The following ATAD1 variants were observed in gnomAD, a reference collection of about 807,000 sequenced individuals.
The protein encoded by ATAD1 is outer mitochondrial transmembrane helix translocase.
A neutral mutation model predicts 42.7 loss-of-function variants in ATAD1; 18 were observed. The ratio of observed to expected loss-of-function variants is 0.42; its 90% CI spans 0.29 to 0.63. The LOEUF is 0.63. Among genes scored for constraint, ATAD1 ranks in the 20% least tolerant of loss-of-function variants. The pLI is 0.19. For synonymous variants in ATAD1, 132 were observed against 143.1 expected, an observed-to-expected ratio of 0.92 and a Z score of 0.55; for missense variants, 294 against 440.4, an observed-to-expected ratio of 0.67 and a Z score of 2.98.
At chr10:87,802,434 T>C (rs964851485) in intron 2 of ATAD1, among the ~76,000 whole-genome samples, 4 of 152,100 alleles carry the variant, frequency 2.6e-5, no homozygotes, top group African/African-American at 9.7e-5. Context: ...ATGGTACAAA[T>C]CCATGGCTGG....
intron 8 of ATAD1, among the ~76,000 whole-genome samples, chr10:87,761,350 A>G (rs991155526): frequency 6.6e-6 from 1 of 152,204 alleles, no homozygotes; most frequent in Non-Finnish European, 1.5e-5. Flanking sequence ...GGTTTTATGA[A>G]TAACAGAATT....
intron 2 of ATAD1, among the ~76,000 whole-genome samples, chr10:87,793,321 T>G (rs905312895): frequency 7.2e-5 from 11 of 152,188 alleles, no homozygotes; most frequent in Admixed American, 7.2e-4. Context: ...ACCAGAGTTA[T>G]AATAAAAATA....
chr10:87,776,350 C>T lies in ATAD1; in HGVS notation c.661G>A (p.Asp221Asn). The T allele has an allele frequency of 6.2e-7, 1 of 1,613,804 alleles. No homozygotes were observed. Among genetic ancestry groups the T allele is most frequent in the African/African-American group, 1.3e-5 (1 of 75,022 alleles). Residue 221 changes from aspartate (D) to asparagine (N), a missense_variant, in exon 6 of 10, where the codon GAT becomes AAT. Transcript: ENST00000680024. ...MMKAQFMSLWDGLDTDHSCQV... is the reference protein window; with the variant it reads ...MMKAQFMSLWNGLDTDHSCQV... ...CAGCTGTGATCAGTATCCAATCCATCCCAGAGACTCATAAACTGAGCTTTC... is the reference window on the plus strand; with the variant it reads ...CAGCTGTGATCAGTATCCAATCCATTCCAGAGACTCATAAACTGAGCTTTC...
At chr10:87,797,514 C>T (rs1331544284) in intron 2 of ATAD1, among the ~76,000 whole-genome samples, 1 of 152,158 alleles carries the variant, frequency 6.6e-6, no homozygotes, top group South Asian at 2.1e-4. Flanking sequence ...AGAACAAAGA[C>T]ACCACTCACC....
chr10:87,835,825 A>C (rs906289509), intron 1 of ATAD1, among the ~76,000 whole-genome samples: 2 of 152,128 alleles, frequency 1.3e-5, no homozygotes, highest in Non-Finnish European at 2.9e-5. Context: ...TTGTTAAAAA[A>C]GTTTTTAATG....
chr10:87,764,904 T>C (rs1021223213), intron 8 of ATAD1, among the ~76,000 whole-genome samples: 1 of 151,892 alleles, frequency 6.6e-6, no homozygotes, highest in African/African-American at 2.4e-5. Flanking sequence ...TATCAAAGAA[T>C]TGCAAATTAG....
At chr10:87,828,320 GA>G (rs944796408) in intron 1 of ATAD1, among the ~76,000 whole-genome samples, 1 of 152,148 alleles carries the variant, frequency 6.6e-6, no homozygotes, top group African/African-American at 2.4e-5. Flanking sequence ...TGCATGATAA[GA>G]AAGCAGAAAC....
In ATAD1 at chr10:87,751,812, A is replaced by G. The variant is rs947774233; in HGVS notation, c.*2875T>C. 2.6e-5 allele frequency: 4 copies of G among 152,218 alleles called. No individual in the cohort carries two copies. Among genetic ancestry groups the G allele is most frequent in the Non-Finnish European group, 4.4e-5 (3 of 68,024 alleles). 9.4% of individuals were successfully genotyped at this position (152,218 alleles called of 1,614,324 possible). ...ATTCAGCATATCAGAATTCTGTTCA[A>G]TATTCTGATTTTAAGAGAAGCTAAA... On this transcript the variant is annotated 3_prime_UTR_variant, in exon 10 of 10. Coordinates refer to ENST00000680024, the MANE Select transcript of ATAD1 (RefSeq NM_001321967.2).
intron 2 of ATAD1, among the ~76,000 whole-genome samples, chr10:87,796,519 C>T (rs955805301): frequency 6.6e-6 from 1 of 152,196 alleles, no homozygotes; most frequent in Non-Finnish European, 1.5e-5. Flanking sequence ...GTTCATCTTA[C>T]ATATGTTGAC....
At chr10:87,771,880 C>T (rs2131819670) in intron 6 of ATAD1, among the ~76,000 whole-genome samples, 1 of 152,110 alleles carries the variant, frequency 6.6e-6, no homozygotes, top group Non-Finnish European at 1.5e-5. Flanking sequence ...AGTAACAATA[C>T]ACATCTGCTA....
chr10:87,816,126 CTAGAGTT>C (rs1382256124), intron 1 of ATAD1, among the ~76,000 whole-genome samples: 4 of 152,148 alleles, frequency 2.6e-5, no homozygotes, highest in African/African-American at 9.6e-5. Context: ...ATCTACTCGA[CTAGAGTT>C]TAAATCCTTA....
chr10:87,810,266 A>T (rs1038802829), intron 2 of ATAD1, among the ~76,000 whole-genome samples: 2 of 151,954 alleles, frequency 1.3e-5, no homozygotes, highest in Middle Eastern at 3.4e-3. Flanking sequence ...TACGCTACCA[A>T]TATTATGAAA....
chr10:87,841,080 G>A (rs1265522789), intron 1 of ATAD1: 1 of 151,930 alleles, frequency 6.6e-6, no homozygotes, highest in African/African-American at 2.4e-5. Context: ...AGAAACTTCA[G>A]TGGAAGCAGG....
At chr10:87,769,700 C>G (rs1307628869) in intron 7 of ATAD1, among the ~76,000 whole-genome samples, 1 of 152,134 alleles carries the variant, frequency 6.6e-6, no homozygotes, top group African/African-American at 2.4e-5. Context: ...TGTAATCCCA[C>G]TTTTGGAGGC....
rs1422620410 is a variant in ATAD1 at position 87,817,864 on chromosome 10, CCA to C, written c.-14+301_-14+302del. The C allele has an allele frequency of 3.0e-6, 3 of 985,466 alleles. No homozygotes were observed. In the African/African-American group the frequency reaches 5.2e-5, roughly 17 times the overall value. 61.0% of individuals were successfully genotyped at this position (985,466 alleles called of 1,614,324 possible). A position where few individuals can be genotyped will look rare whatever the true frequency, so the allele number is the denominator to read the frequency against. On this transcript the variant is annotated intron_variant, in intron 1 of 9. Transcript: ENST00000680024. ...AGTCTTCCGGGACGACCTCAAACCC[CCA>C]CAGTGACCAGGATGCCGACAAAGAT...
At chr10:87,798,625 G>GGTGGGTGTGTGTGTGTGTGTGTGTGTGT (rs1554881742) in intron 2 of ATAD1, among the ~76,000 whole-genome samples, 16 of 124,936 alleles carry the variant, frequency 1.3e-4, no homozygotes, top group Admixed American at 7.7e-4. Flanking sequence ...AGCTATAGGG[G>GGTGGGTGTGTGTGTGTGTGTGTGTGTGT]GTGTGTGTGT....
At chr10:87,767,573 G>C (rs1854819292) in intron 8 of ATAD1, 100 bp downstream of exon 8, 1 of 1,098,960 alleles carries the variant, frequency 9.1e-7, no homozygotes, top group African/African-American at 1.6e-5. Context: ...GGAGATCCTT[G>C]GGGTATATCA....
At position 87,784,964 on chromosome 10, in the gene ATAD1, G is replaced by A. The variant is rs151288545; in HGVS notation, c.383-294C>T. ...CCAAATTCATACCACTTTATCAACAGTTGAAAAACAAAATCATCTAAGGCC... is the reference window on the plus strand; with the variant it reads ...CCAAATTCATACCACTTTATCAACAATTGAAAAACAAAATCATCTAAGGCC... On this transcript the variant is annotated intron_variant, in intron 4 of 9. Coordinates refer to ENST00000680024, the MANE Select transcript of ATAD1 (RefSeq NM_001321967.2). Among the ~76,000 whole-genome samples the A allele has an allele frequency of 7.3e-3, 1,117 of 152,278 alleles. 8 individuals carry two copies. Among genetic ancestry groups the A allele is most frequent in the Middle Eastern group, 0.041 (12 of 294 alleles).
rs1035706624 is a variant in ATAD1 at position 87,751,567 on chromosome 10, T to A, written c.*3120A>T. 6 of 152,202 alleles carry A rather than the reference T, an allele frequency of 3.9e-5. No homozygotes were observed. The highest frequency in any genetic ancestry group is 3.9e-4 in the Admixed American group (6 of 15,276). The allele number at this position is 152,202 out of a possible 1,614,324, so 9.4% of individuals were successfully genotyped here. A position where few individuals can be genotyped will look rare whatever the true frequency, so the allele number is the denominator to read the frequency against. ...CAAGTTCTCCTCAATATGATTTTCA[T>A]TAACATCATGATTTAGGCAGAATGT... On this transcript the variant is annotated 3_prime_UTR_variant, in exon 10 of 10. Transcript: ENST00000680024.
Sources: gnomAD v4.1 joint callset for allele counts (sites outside exome capture counted in the v4.1 genomes callset) on GRCh38, gnomAD v4.1.1 for gene constraint, MANE v1.5 for transcripts, NCBI Gene and HGNC (gene_info 2026-07-23, HGNC 2026-07-21) for gene names.